Variants in FHIT observed in about 807,000 individuals in gnomAD.
The protein encoded by FHIT is fragile histidine triad diadenosine triphosphatase.
A neutral mutation model predicts 17.9 loss-of-function variants in FHIT; 19 were observed. The ratio of observed to expected loss-of-function variants is 1.06; its 90% CI spans 0.74 to 1.56. FHIT has a LOEUF of 1.56. Ranked by LOEUF, FHIT falls within the 40% of genes most tolerant of loss-of-function variation. The pLI is 0.00. For synonymous variants in FHIT, 81 were observed against 69.7 expected (o/e 1.16, Z -0.81); for missense variants, 248 against 189.2 (o/e 1.31, Z -1.82).
intron 5 of FHIT, among the ~76,000 whole-genome samples, chr3:60,230,793 C>T (rs1169204465): frequency 6.6e-6 from 1 of 152,222 alleles, no homozygotes; most frequent in Non-Finnish European, 1.5e-5. Context: ...TGACTATGAC[C>T]TCCCCATCCT....
chr3:59,896,659 C>T (rs1180793524), intron 8 of FHIT, among the ~76,000 whole-genome samples: 1 of 152,142 alleles, frequency 6.6e-6, no homozygotes, highest in Non-Finnish European at 1.5e-5. Context: ...ATTCTTAATA[C>T]ATAACCATAG....
chr3:60,102,797 T>C (rs1260319515), intron 5 of FHIT, among the ~76,000 whole-genome samples: 2 of 152,116 alleles, frequency 1.3e-5, no homozygotes, highest in Non-Finnish European at 2.9e-5. Context: ...ATAAAGAGAA[T>C]GTGCAGGATA....
intron 2 of FHIT, among the ~76,000 whole-genome samples, chr3:61,190,069 A>C (rs200407836): frequency 9.8e-3 from 1,446 of 148,240 alleles, no homozygotes; most frequent in East Asian, 0.022. Flanking sequence ...GCAACAAAAG[A>C]CAAAATTGAC....
chr3:60,331,103 C>T (rs1443127259), intron 5 of FHIT, among the ~76,000 whole-genome samples: 2 of 152,166 alleles, frequency 1.3e-5, no homozygotes, highest in Admixed American at 6.5e-5. Context: ...AACTCACCTA[C>T]TGCCACTTTT....
At chr3:60,104,938 T>C (rs1480303371) in intron 5 of FHIT, among the ~76,000 whole-genome samples, 2 of 152,100 alleles carry the variant, frequency 1.3e-5, no homozygotes, top group African/African-American at 4.8e-5. Flanking sequence ...TTTAATATCC[T>C]CTCTTGAAGC....
chr3:59,971,815 G>A (rs1277653011), intron 7 of FHIT, among the ~76,000 whole-genome samples: 1 of 152,124 alleles, frequency 6.6e-6, no homozygotes, highest in Non-Finnish European at 1.5e-5. Context: ...GGCATTTCAA[G>A]GGTCACTGTG....
At chr3:61,030,671 C>G (rs1228431491) in intron 3 of FHIT, among the ~76,000 whole-genome samples, 1 of 152,080 alleles carries the variant, frequency 6.6e-6, no homozygotes, top group Non-Finnish European at 1.5e-5. Flanking sequence ...GTTGGACGGA[C>G]AGTTCAAGGC....
At chr3:59,985,987 A>G (rs1708881059) in intron 7 of FHIT, among the ~76,000 whole-genome samples, 1 of 152,230 alleles carries the variant, frequency 6.6e-6, no homozygotes, top group Admixed American at 6.5e-5. Flanking sequence ...GAGCAGAGAA[A>G]GGATGGGGGA....
intron 2 of FHIT, among the ~76,000 whole-genome samples, chr3:61,120,539 A>C (rs1163517537): frequency 6.6e-6 from 1 of 152,172 alleles, no homozygotes; most frequent in Non-Finnish European, 1.5e-5. Context: ...TCAGCAAGCT[A>C]ACCCTACCTA....
At chr3:60,140,575 ATTTTT>A (rs10540921) in intron 5 of FHIT, among the ~76,000 whole-genome samples, 122 of 129,000 alleles carry the variant, frequency 9.5e-4, no homozygotes, top group East Asian at 1.8e-3. Flanking sequence ...CACAGACTCT[ATTTTT>A]TTTTTTTTTT....
At chr3:60,922,629 C>T (rs1297564073) in intron 3 of FHIT, among the ~76,000 whole-genome samples, 1 of 152,194 alleles carries the variant, frequency 6.6e-6, no homozygotes, top group Non-Finnish European at 1.5e-5. Context: ...AATTTACCTA[C>T]AAATGCTGGA....
At chr3:61,230,193 A>G (rs1167882343) in intron 1 of FHIT, among the ~76,000 whole-genome samples, 1 of 152,162 alleles carries the variant, frequency 6.6e-6, no homozygotes, top group Non-Finnish European at 1.5e-5. Flanking sequence ...TCTCATGTTG[A>G]ATTATAATTC....
intron 4 of FHIT, among the ~76,000 whole-genome samples, chr3:60,624,903 T>TTTTTTTG (rs2039241592): frequency 2.0e-5 from 3 of 149,932 alleles, no homozygotes; most frequent in Admixed American, 2.0e-4. Context: ...TAGTTTTTTT[T>TTTTTTTG]TTTGTTTGTT....
Position 60,201,000 on chromosome 3 carries a change from G to A in FHIT, c.104-186848C>T, listed in dbSNP as rs213299. ...AATAAAATGGTCCCTGTCTCCAACAGAACTTACTAAAGTTCAGCTGGGAAG... is the reference window on the plus strand; with the variant it reads ...AATAAAATGGTCCCTGTCTCCAACAAAACTTACTAAAGTTCAGCTGGGAAG... On this transcript the variant is annotated intron_variant, in intron 5 of 9. Transcript: ENST00000492590. 1.0e-3 allele frequency among the ~76,000 whole-genome samples: 157 copies of A among 152,028 alleles called. 1 individual carries two copies. The highest frequency in any genetic ancestry group is 3.7e-3 in the African/African-American group (153 of 41,454).
chr3:59,983,028 T>C (rs1367863601), intron 7 of FHIT, among the ~76,000 whole-genome samples: 1 of 151,868 alleles, frequency 6.6e-6, no homozygotes, highest in Non-Finnish European at 1.5e-5. Context: ...AACCCCCACC[T>C]CCCTGGCTCA....
intron 2 of FHIT, among the ~76,000 whole-genome samples, chr3:61,105,046 G>A (rs1022133873): frequency 5.9e-5 from 9 of 151,838 alleles, no homozygotes; most frequent in African/African-American, 9.7e-5. Context: ...ATTCCTATCC[G>A]TATTTTGAAC....
At chr3:60,968,399 G>GTA (rs971718130) in intron 3 of FHIT, among the ~76,000 whole-genome samples, 2 of 149,692 alleles carry the variant, frequency 1.3e-5, no homozygotes. Context: ...TTCAAATTAA[G>GTA]TATGAAGTCT....
At chr3:60,461,458 T>TTATGTCAA (rs397939659) in intron 5 of FHIT, among the ~76,000 whole-genome samples, 17 of 152,082 alleles carry the variant, frequency 1.1e-4, no homozygotes, top group African/African-American at 4.1e-4. Flanking sequence ...CAATATGTCA[T>TTATGTCAA]CTTGTTCTCA....
In FHIT at chr3:60,860,999, A is replaced by G. The variant is rs1417061550; in HGVS notation, c.-110-38988T>C. Reference sequence around the variant, plus strand: ...ATATATGATACATATATACGTATATATCCATATATATGATACATATATACG... The same window carrying G: ...ATATATGATACATATATACGTATATGTCCATATATATGATACATATATACG... On this transcript the variant is annotated intron_variant, in intron 3 of 9. Coordinates refer to ENST00000492590, the MANE Select transcript of FHIT (RefSeq NM_002012.4). Among the ~76,000 whole-genome samples, 2 of 97,394 alleles carry G rather than the reference A, an allele frequency of 2.1e-5. 1 individual carries two copies. The highest frequency in any genetic ancestry group is 4.5e-5 in the Non-Finnish European group (2 of 44,602). 63.9% of individuals were successfully genotyped at this position (97,394 alleles called of 152,430 possible).
Sources: gnomAD v4.1 joint callset for allele counts (sites outside exome capture counted in the v4.1 genomes callset) on GRCh38, gnomAD v4.1.1 for gene constraint, MANE v1.5 for transcripts, NCBI Gene and HGNC (gene_info 2026-07-23, HGNC 2026-07-21) for gene names.